Variants in CDK14 observed in about 807,000 individuals in gnomAD.
The protein encoded by CDK14 is cyclin-dependent kinase 14.
In CDK14, 34 loss-of-function variants were observed where a neutral mutation model predicts 60.7. That is an observed-to-expected ratio of 0.56 (90% CI 0.43 to 0.75). The LOEUF (loss-of-function observed/expected upper bound fraction) is 0.75, where lower values mean the gene tolerates loss of function less well. Ranked by LOEUF, CDK14 falls within the 30% of genes least tolerant of loss-of-function variation. The probability of loss-of-function intolerance (pLI) is 0.00; values close to 1 mark genes in which losing one functional copy is unlikely to be tolerated. For synonymous variants in CDK14, 197 were observed against 203.7 expected (o/e 0.97, Z 0.28); for missense variants, 482 against 564.1 (o/e 0.85, Z 1.47).
At chr7:91,133,709 T>C (rs1361959049) in intron 14 of CDK14, among the ~76,000 whole-genome samples, 1 of 152,170 alleles carries the variant, frequency 6.6e-6, no homozygotes, top group Non-Finnish European at 1.5e-5. Flanking sequence ...TTTTATTGTA[T>C]AATTAAGAAA....
rs529149760 is a variant in CDK14 at position 90,644,282 on chromosome 7, G to A, written c.123+40033G>A. On this transcript the variant is annotated intron_variant, in intron 2 of 14. Transcript: ENST00000380050. ...TTTTATTATTGCAGCCTGAGCAGAC[G>A]AAAACAGTCATAATGATAATAACCA... 8.1e-4 allele frequency among the ~76,000 whole-genome samples: 123 copies of A among 152,252 alleles called. 1 individual carries two copies. The highest frequency in any genetic ancestry group is 1.6e-3 in the Non-Finnish European group (109 of 68,018).
intron 6 of CDK14, among the ~76,000 whole-genome samples, chr7:90,889,191 C>T (rs966262310): frequency 1.3e-5 from 2 of 152,078 alleles, no homozygotes; most frequent in Admixed American, 6.6e-5. Flanking sequence ...AGAATTAACT[C>T]CTACAAGATT....
At chr7:91,038,595 G>C (rs1796996921) in intron 10 of CDK14, among the ~76,000 whole-genome samples, 1 of 152,186 alleles carries the variant, frequency 6.6e-6, no homozygotes, top group African/African-American at 2.4e-5. Context: ...AAATGAATCA[G>C]GAACTAATCA....
intron 9 of CDK14, among the ~76,000 whole-genome samples, chr7:90,975,650 T>C (rs1795048332): frequency 6.6e-6 from 1 of 152,116 alleles, no homozygotes; most frequent in African/African-American, 2.4e-5. Context: ...TCCTTCTGGC[T>C]GTAATTTTGT....
At chr7:90,648,935 C>T (rs1163261426) in intron 2 of CDK14, among the ~76,000 whole-genome samples, 2 of 152,126 alleles carry the variant, frequency 1.3e-5, no homozygotes, top group East Asian at 3.9e-4. Context: ...TCTTGGAAAA[C>T]CTGAGAACTG....
In CDK14 at chr7:90,733,374, C is replaced by G. The variant is rs147234123; in HGVS notation, c.369+6562C>G. On this transcript the variant is annotated intron_variant, in intron 3 of 14. Coordinates refer to ENST00000380050, the MANE Select transcript of CDK14 (RefSeq NM_001287135.2). ...GGTCTGTTTGGTCCAGAGCTGAGTTCAAGTCCTAGATATTTTTGTTAATTT... is the reference window on the plus strand; with the variant it reads ...GGTCTGTTTGGTCCAGAGCTGAGTTGAAGTCCTAGATATTTTTGTTAATTT... 1.8e-3 allele frequency among the ~76,000 whole-genome samples: 279 copies of G among 152,210 alleles called. 1 individual carries two copies. The highest frequency in any genetic ancestry group is 2.8e-3 in the Non-Finnish European group (193 of 68,012).
chr7:91,020,194 A>C (rs1383767890), intron 10 of CDK14, among the ~76,000 whole-genome samples: 1 of 152,160 alleles, frequency 6.6e-6, no homozygotes, highest in Non-Finnish European at 1.5e-5. Context: ...TCAAACCTCC[A>C]TGGAGGGATT....
intron 2 of CDK14, among the ~76,000 whole-genome samples, chr7:90,703,603 T>G (rs1226875128): frequency 6.6e-6 from 1 of 152,178 alleles, no homozygotes; most frequent in Non-Finnish European, 1.5e-5. Flanking sequence ...GGGTTTGTAA[T>G]TGAATTAATG....
intron 2 of CDK14, chr7:90,666,537 T>C (rs1234347251): frequency 2.0e-5 from 3 of 152,244 alleles, no homozygotes; most frequent in Non-Finnish European, 2.9e-5. Context: ...GCAAATACTT[T>C]AACTTTGATG....
chr7:90,868,732 C>T (rs1355803998), intron 6 of CDK14, among the ~76,000 whole-genome samples: 1 of 151,994 alleles, frequency 6.6e-6, no homozygotes, highest in African/African-American at 2.4e-5. Context: ...TAGATGCCAC[C>T]CTCAGCTCTT....
chr7:91,182,809 A>G (rs1181738986), intron 14 of CDK14, among the ~76,000 whole-genome samples: 3 of 152,214 alleles, frequency 2.0e-5, no homozygotes, highest in African/African-American at 2.4e-5. Context: ...TAAGAGATTC[A>G]TATTAGAAAA....
intron 2 of CDK14, among the ~76,000 whole-genome samples, chr7:90,652,093 A>G (rs1037218858): frequency 6.6e-6 from 1 of 151,398 alleles, no homozygotes; most frequent in Non-Finnish European, 1.5e-5. Flanking sequence ...ATCTTTCTTT[A>G]TTTTTCCCAA....
At chr7:90,767,872 T>C (rs1442894327) in intron 4 of CDK14, among the ~76,000 whole-genome samples, 2 of 152,210 alleles carry the variant, frequency 1.3e-5, no homozygotes, top group African/African-American at 2.4e-5. Context: ...TTGCTGTGAA[T>C]GTAGTTAAGT....
intron 11 of CDK14, among the ~76,000 whole-genome samples, chr7:91,050,467 G>A (rs1365068208): frequency 2.0e-5 from 3 of 151,898 alleles, no homozygotes; most frequent in African/African-American, 7.3e-5. Context: ...TATTGAAATA[G>A]TGAAAGAACA....
intron 10 of CDK14, among the ~76,000 whole-genome samples, chr7:91,018,690 T>C (rs1024319776): frequency 4.6e-5 from 7 of 152,160 alleles, no homozygotes; most frequent in Non-Finnish European, 7.4e-5. Context: ...TCCCAAAATC[T>C]GGTTGTTTAA....
chr7:90,704,809 C>T (rs1227514515), intron 2 of CDK14, among the ~76,000 whole-genome samples: 1 of 152,018 alleles, frequency 6.6e-6, no homozygotes, highest in Non-Finnish European at 1.5e-5. Context: ...TCCAGAATTT[C>T]ACGGTGTTTT....
At chr7:91,030,074 T>C (rs2115930751) in intron 10 of CDK14, among the ~76,000 whole-genome samples, 1 of 152,296 alleles carries the variant, frequency 6.6e-6, no homozygotes, top group Non-Finnish European at 1.5e-5. Flanking sequence ...AAAAATAAGC[T>C]CTCAATAACT....
intron 2 of CDK14, among the ~76,000 whole-genome samples, chr7:90,680,446 G>C: frequency 6.6e-6 from 1 of 152,214 alleles, no homozygotes; most frequent in East Asian, 1.9e-4. Context: ...GTTTTTCATT[G>C]ATTGGAGAAA....
intron 5 of CDK14, among the ~76,000 whole-genome samples, chr7:90,839,509 C>A (rs1257171438): frequency 1.3e-5 from 2 of 152,182 alleles, no homozygotes; most frequent in African/African-American, 4.8e-5. Context: ...CCCATCTGTT[C>A]TTTTCCTTAG....
Sources: gnomAD v4.1 joint callset for allele counts (sites outside exome capture counted in the v4.1 genomes callset) on GRCh38, gnomAD v4.1.1 for gene constraint, MANE v1.5 for transcripts, NCBI Gene and HGNC (gene_info 2026-07-23, HGNC 2026-07-21) for gene names.